Variants in KCNB2 observed in about 807,000 individuals in gnomAD.
KCNB2 encodes the protein delayed rectifier potassium channel protein.
In KCNB2, 15 loss-of-function variants were observed where a neutral mutation model predicts 61.5. That is an observed-to-expected ratio of 0.24 (90% CI 0.16 to 0.38). The LOEUF is 0.38. Among genes scored for constraint, KCNB2 ranks in the 10% least tolerant of loss-of-function variants. The probability of loss-of-function intolerance (pLI) is 1.00; values close to 1 mark genes in which losing one functional copy is unlikely to be tolerated. For synonymous variants in KCNB2, 457 were observed against 446.0 expected (o/e 1.02, Z -0.31); for missense variants, 828 against 1,125.2 (o/e 0.74, Z 3.78).
At chr8:72,834,977 A>C (rs1408075829) in intron 2 of KCNB2, among the ~76,000 whole-genome samples, 1 of 152,210 alleles carries the variant, frequency 6.6e-6, no homozygotes, top group Non-Finnish European at 1.5e-5. Flanking sequence ...GGAAGGGGAT[A>C]GGGTGATTCC....
Position 72,925,959 on chromosome 8 carries a change from G to C in KCNB2, c.580-9976G>C, listed in dbSNP as rs545321165. 3.9e-5 allele frequency among the ~76,000 whole-genome samples: 6 copies of C among 152,274 alleles called. No homozygotes were observed. The East Asian group carries it at 9.7e-4, about 25-fold the overall frequency. On this transcript the variant is annotated intron_variant, in intron 2 of 2. Coordinates refer to ENST00000523207, the MANE Select transcript of KCNB2 (RefSeq NM_004770.3). Reference sequence around the variant, plus strand: ...TGTCCTTTGCAGGGACATGCATGGAGCTGGGAGCCATTATCCTCAGCAAAG... The same window carrying C: ...TGTCCTTTGCAGGGACATGCATGGACCTGGGAGCCATTATCCTCAGCAAAG...
intron 2 of KCNB2, among the ~76,000 whole-genome samples, chr8:72,837,931 A>C (rs4452827): frequency 0.85 from 129,746 of 152,122 alleles, 56,300 homozygotes; most frequent in Middle Eastern, 0.97. Context: ...AACAACACAG[A>C]TATATTTCTA....
chr8:72,890,858 C>G (rs753848584), intron 2 of KCNB2, among the ~76,000 whole-genome samples: 1 of 152,166 alleles, frequency 6.6e-6, no homozygotes, highest in Admixed American at 6.5e-5. Flanking sequence ...AATTGAGACT[C>G]TTTAGTGTAG....
At chr8:72,651,100 A>G (rs1022362471) in intron 2 of KCNB2, among the ~76,000 whole-genome samples, 1 of 152,200 alleles carries the variant, frequency 6.6e-6, no homozygotes, top group Non-Finnish European at 1.5e-5. Flanking sequence ...TTCATTGAGA[A>G]AACTTCAGTG....
intron 2 of KCNB2, among the ~76,000 whole-genome samples, chr8:72,612,102 A>G (rs1805551931): frequency 1.3e-5 from 2 of 152,166 alleles, no homozygotes; most frequent in African/African-American, 4.8e-5. Flanking sequence ...ATCCCATGCA[A>G]TCATTATAAG....
chr8:72,602,531 A>C (rs1805370722), intron 2 of KCNB2, among the ~76,000 whole-genome samples: 1 of 152,144 alleles, frequency 6.6e-6, no homozygotes, highest in South Asian at 2.1e-4. Context: ...CTTATTATAT[A>C]GGCAGACTCT....
At chr8:72,796,128 A>G (rs978195325) in intron 2 of KCNB2, among the ~76,000 whole-genome samples, 1 of 152,176 alleles carries the variant, frequency 6.6e-6, no homozygotes, top group African/African-American at 2.4e-5. Context: ...AGGCAGCCAC[A>G]TTTATGACCC....
chr8:72,562,077 G>C (rs956495471), intron 1 of KCNB2, among the ~76,000 whole-genome samples: 2 of 151,752 alleles, frequency 1.3e-5, no homozygotes, highest in Non-Finnish European at 2.9e-5. Context: ...CAGACTTAAA[G>C]GTCTCAGAGA....
At chr8:72,748,690 T>C (rs1055852547) in intron 2 of KCNB2, among the ~76,000 whole-genome samples, 4 of 151,288 alleles carry the variant, frequency 2.6e-5, no homozygotes, top group Non-Finnish European at 4.4e-5. Context: ...AAATCTCTGA[T>C]TTTTTAAATT....
intron 2 of KCNB2, among the ~76,000 whole-genome samples, chr8:72,898,990 T>A (rs763437145): frequency 7.9e-5 from 12 of 152,138 alleles, no homozygotes; most frequent in Non-Finnish European, 1.5e-4. Flanking sequence ...TGTATGGCTG[T>A]ATAGTATTCT....
At chr8:72,808,312 G>T (rs958224350) in intron 2 of KCNB2, among the ~76,000 whole-genome samples, 7 of 152,012 alleles carry the variant, frequency 4.6e-5, no homozygotes, top group African/African-American at 1.7e-4. Context: ...AATATTTTTT[G>T]AATATTTTTT....
At chr8:72,904,977 A>G (rs879305544) in intron 2 of KCNB2, among the ~76,000 whole-genome samples, 6 of 152,244 alleles carry the variant, frequency 3.9e-5, no homozygotes, top group Non-Finnish European at 8.8e-5. Context: ...GGATGGATGG[A>G]TGAGAGACAG....
At chr8:72,710,526 C>T (rs1248182711) in intron 2 of KCNB2, among the ~76,000 whole-genome samples, 1 of 151,766 alleles carries the variant, frequency 6.6e-6, no homozygotes, top group Non-Finnish European at 1.5e-5. Context: ...TGAGGAAGAG[C>T]AAAAACTAAA....
intron 2 of KCNB2, among the ~76,000 whole-genome samples, chr8:72,886,573 GA>G (rs1478466255): frequency 2.6e-5 from 4 of 152,182 alleles, no homozygotes; most frequent in Non-Finnish European, 4.4e-5. Context: ...ACTCTGCTCA[GA>G]AAGAGATATT....
chr8:72,700,603 A>G (rs1422585250), intron 2 of KCNB2, among the ~76,000 whole-genome samples: 3 of 152,178 alleles, frequency 2.0e-5, no homozygotes, highest in East Asian at 1.9e-4. Flanking sequence ...TGGCAAGGCT[A>G]TAGAGAAAAG....
At chr8:72,735,448 C>T (rs1585861156) in intron 2 of KCNB2, among the ~76,000 whole-genome samples, 1 of 152,074 alleles carries the variant, frequency 6.6e-6, no homozygotes, top group Admixed American at 6.6e-5. Context: ...ATACTCAGCT[C>T]GGGTAAAGGT....
intron 2 of KCNB2, among the ~76,000 whole-genome samples, chr8:72,623,175 A>G (rs1805737387): frequency 6.6e-6 from 1 of 152,228 alleles, no homozygotes; most frequent in Non-Finnish European, 1.5e-5. Flanking sequence ...TGTTGAGGTT[A>G]ACTTTCTCTG....
At chr8:72,718,801 C>T (rs1174620769) in intron 2 of KCNB2, among the ~76,000 whole-genome samples, 1 of 152,020 alleles carries the variant, frequency 6.6e-6, no homozygotes, top group Non-Finnish European at 1.5e-5. Flanking sequence ...TACCCTAAAG[C>T]TGAAAGCATA....
At chr8:72,774,445 G>T (rs1475278854) in intron 2 of KCNB2, among the ~76,000 whole-genome samples, 1 of 152,160 alleles carries the variant, frequency 6.6e-6, no homozygotes, top group Non-Finnish European at 1.5e-5. Flanking sequence ...CCGCCTCCCA[G>T]GTTCAAGCAG....
Sources: allele counts gnomAD v4.1 joint callset (sites outside exome capture counted in the v4.1 genomes callset), GRCh38; gene constraint gnomAD v4.1.1; transcripts MANE v1.5; gene names NCBI Gene and HGNC (gene_info 2026-07-23, HGNC 2026-07-21).